Variants in USP15 observed in about 807,000 individuals in gnomAD.
USP15 encodes ubiquitin carboxyl-terminal hydrolase 15.
In USP15, 18 loss-of-function variants were observed where a neutral mutation model predicts 127.1. The observed-to-expected ratio is 0.14, with a 90% CI of 0.10 to 0.21. The LOEUF (loss-of-function observed/expected upper bound fraction) is 0.21. Ranked by LOEUF, USP15 falls within the 10% of genes least tolerant of loss-of-function variation. The probability of loss-of-function intolerance (pLI) is 1.00; values close to 1 mark genes in which losing one functional copy is unlikely to be tolerated. For synonymous variants in USP15, 364 were observed against 393.7 expected (o/e 0.92, Z 0.89); for missense variants, 805 against 1,159.9 (o/e 0.69, Z 4.44).
chr12:62,391,834 T>G lies in USP15; in HGVS notation c.2252T>G (p.Leu751Trp). 1 of 1,608,960 alleles carries G rather than the reference T, an allele frequency of 6.2e-7. No homozygotes were observed. Among genetic ancestry groups the G allele is most frequent in the Non-Finnish European group, 8.5e-7 (1 of 1,177,506 alleles). Residue 751 changes from leucine to tryptophan, a missense_variant, in exon 17 of 22, where the codon TTG becomes TGG. By Grantham distance (61) the Leu-to-Trp change is moderately conservative. Transcript: ENST00000280377. Reference sequence around the variant, plus strand: ...ACCTTAGAAAGATCTTTTCTTGCTTTGGATTGGGATCCTGATTTGAAAAAA... The same window carrying G: ...ACCTTAGAAAGATCTTTTCTTGCTTGGGATTGGGATCCTGATTTGAAAAAA... Reference protein sequence around the residue: ...LRLDERSFLALDWDPDLKKRY... With the variant: ...LRLDERSFLAWDWDPDLKKRY...
chr12:62,414,739 A>C lies in USP15; in HGVS notation c.*10364A>C, dbSNP rs1277485405. 6.6e-6 allele frequency: 1 copy of C among 152,154 alleles called. No homozygotes were observed. Among genetic ancestry groups the C allele is most frequent in the African/African-American group, 2.4e-5 (1 of 41,508 alleles). The allele number at this position is 152,154 out of a possible 1,614,324, so 9.4% of individuals were successfully genotyped here. ...AGAAGTGTGTATTCAGGGTGCACTC[A>C]ATAGGATTACATCTGGCTGGCAGTC... On this transcript the variant is annotated 3_prime_UTR_variant, in exon 22 of 22. Transcript: ENST00000280377.
Position 62,325,930 on chromosome 12 carries a change from CTAAG to C in USP15, c.683+3_683+6del. On this transcript the variant is annotated splice_donor_variant and coding_sequence_variant, in exon 6 of 22. Coordinates refer to ENST00000280377, the MANE Select transcript of USP15 (RefSeq NM_001252078.2). LOFTEE classifies it high-confidence loss of function. ...ACATGGCCAAGGGGTCCTTCTACTC[CTAAG>C]TAAGTGCTCCCACTTCTTATGGCTT... 1 of 1,608,854 alleles carries C rather than the reference CTAAG, an allele frequency of 6.2e-7. No homozygotes were observed. Among genetic ancestry groups the C allele is most frequent in the East Asian group, 2.2e-5 (1 of 44,630 alleles).
intron 1 of USP15, among the ~76,000 whole-genome samples, chr12:62,268,756 G>A (rs1246704115): frequency 2.6e-5 from 4 of 151,978 alleles, no homozygotes; most frequent in Non-Finnish European, 5.9e-5. Context: ...GCTTTATTGT[G>A]ATGCTATTCA....
intron 9 of USP15, among the ~76,000 whole-genome samples, 158 bp from the exon 10 acceptor site, chr12:62,383,682 A>G (rs185077658): frequency 6.6e-6 from 1 of 152,106 alleles, no homozygotes; most frequent in East Asian, 1.9e-4. Flanking sequence ...GAAAATATCT[A>G]CAAATGACCA....
chr12:62,394,724 C>T (rs1467361781), intron 19 of USP15, among the ~76,000 whole-genome samples: 1 of 152,000 alleles, frequency 6.6e-6, no homozygotes. Context: ...TTGTGCGCGC[C>T]TGTAGTCCCA....
chr12:62,272,939 A>G (rs1204912496), intron 1 of USP15, among the ~76,000 whole-genome samples: 1 of 152,044 alleles, frequency 6.6e-6, no homozygotes, highest in Non-Finnish European at 1.5e-5. Flanking sequence ...ATGAAATGTA[A>G]ATCAAATCAT....
Position 62,392,322 on chromosome 12 carries a change from T to C in USP15, c.2355T>C (p.Phe785=), listed in dbSNP as rs759063109. The C allele has an allele frequency of 1.9e-5, 30 of 1,608,808 alleles. 1 individual carries two copies. Among genetic ancestry groups the C allele is most frequent in the Non-Finnish European group, 2.4e-5 (28 of 1,178,282 alleles). ...SVEYKPPKKP[F]VKLKDCIELF... ...AGTATAAACCTCCTAAAAAACCCTT[T>C]GTGAAATTAAAAGATTGCATTGAAC... is the stretch of plus-strand genomic sequence containing the variant. The change falls in exon 18 of 22, where the codon TTT becomes TTC. Residue 785 remains phenylalanine, a synonymous_variant. Transcript: ENST00000280377.
At chr12:62,386,801 T>G (rs1190412671) in intron 11 of USP15, among the ~76,000 whole-genome samples, 6 of 152,148 alleles carry the variant, frequency 3.9e-5, no homozygotes. Flanking sequence ...GAAAGATGAT[T>G]CTGGGTAGCA....
chr12:62,278,396 AGTT>A (rs1349435346), intron 1 of USP15, among the ~76,000 whole-genome samples: 4 of 152,306 alleles, frequency 2.6e-5, no homozygotes, highest in South Asian at 4.1e-4. Flanking sequence ...AACTCATAAC[AGTT>A]GTTTATTATT....
intron 5 of USP15, among the ~76,000 whole-genome samples, chr12:62,323,915 T>C (rs1003886308): frequency 3.9e-5 from 6 of 152,014 alleles, no homozygotes; most frequent in Admixed American, 2.0e-4. Context: ...AAAACAGGAA[T>C]GTTTCAAAGA....
chr12:62,271,697 T>TA (rs1441779105), intron 1 of USP15, among the ~76,000 whole-genome samples: 1 of 151,614 alleles, frequency 6.6e-6, no homozygotes, highest in African/African-American at 2.4e-5. Context: ...TTATCACGCT[T>TA]ATATGTCACA....
chr12:62,270,143 T>C (rs2063314857), intron 1 of USP15, among the ~76,000 whole-genome samples: 1 of 152,136 alleles, frequency 6.6e-6, no homozygotes, highest in African/African-American at 2.4e-5. Context: ...TGAGTATCTT[T>C]TCACCTGCTT....
At chr12:62,260,567 G>C in intron 1 of USP15, 64 bp downstream of exon 1, 1 of 1,463,544 alleles carries the variant, frequency 6.8e-7, no homozygotes, top group Non-Finnish European at 9.3e-7. Flanking sequence ...GGCGGGAGCC[G>C]CGAGCTGGTT....
chr12:62,268,584 G>A (rs1283042538), intron 1 of USP15, among the ~76,000 whole-genome samples: 2 of 151,938 alleles, frequency 1.3e-5, no homozygotes, highest in Non-Finnish European at 2.9e-5. Flanking sequence ...TGCTTTTGGG[G>A]CCTTTATGCC....
intron 1 of USP15, among the ~76,000 whole-genome samples, chr12:62,293,954 TGTCA>T (rs1174307622): frequency 6.6e-6 from 1 of 152,240 alleles, no homozygotes; most frequent in African/African-American, 2.4e-5. Context: ...TGTATTTTTA[TGTCA>T]GTATTTGTCA....
intron 8 of USP15, among the ~76,000 whole-genome samples, chr12:62,364,435 C>T (rs1034519577): frequency 3.9e-5 from 6 of 151,976 alleles, no homozygotes; most frequent in Non-Finnish European, 2.9e-5. Flanking sequence ...AAAACAGATG[C>T]CTAGATTCAT....
rs2068041012 is a variant in USP15, at chr12:62,411,531, A to G, written c.*7156A>G. 6.6e-6 allele frequency: 1 copy of G among 152,210 alleles called. No homozygotes were observed. The highest frequency in any genetic ancestry group is 6.5e-5 in the Admixed American group (1 of 15,278). 9.4% of individuals were successfully genotyped at this position (152,210 alleles called of 1,614,324 possible). ...TTTAGAACCTTTGCCTTCAGCTGACATGAATTATGTTGTCTTTTTGTTTTT... is the reference window on the plus strand; with the variant it reads ...TTTAGAACCTTTGCCTTCAGCTGACGTGAATTATGTTGTCTTTTTGTTTTT... On this transcript the variant is annotated 3_prime_UTR_variant, in exon 22 of 22. Transcript: ENST00000280377.
At chr12:62,336,982 C>T (rs1032184599) in intron 6 of USP15, among the ~76,000 whole-genome samples, 2 of 152,160 alleles carry the variant, frequency 1.3e-5, no homozygotes, top group African/African-American at 2.4e-5. Flanking sequence ...AAATTTCATG[C>T]ATTTTGGTCA....
chr12:62,384,845 G>A (rs975122479), intron 11 of USP15, among the ~76,000 whole-genome samples: 2 of 151,704 alleles, frequency 1.3e-5, no homozygotes, highest in Non-Finnish European at 1.5e-5. Context: ...TTTATTCTGT[G>A]CAAAAGTCCT....
Sources: gnomAD v4.1 joint callset for allele counts (sites outside exome capture counted in the v4.1 genomes callset) on GRCh38, gnomAD v4.1.1 for gene constraint, MANE v1.5 for transcripts, NCBI Gene and HGNC (gene_info 2026-07-23, HGNC 2026-07-21) for gene names.